Variants in NTRK1 observed in about 807,000 individuals in gnomAD.
The protein encoded by NTRK1 is high affinity nerve growth factor receptor.
In NTRK1, 62 loss-of-function variants were observed where a neutral mutation model predicts 86.8. The ratio of observed to expected loss-of-function variants is 0.71; its 90% CI spans 0.58 to 0.88. The LOEUF is 0.88. Ranked by LOEUF, NTRK1 falls within the 40% of genes least tolerant of loss-of-function variation. The pLI is 0.00. For missense variants in NTRK1, 967 were observed against 1,078.4 expected (o/e 0.90, Z 1.45); for synonymous variants, 469 against 456.6 (o/e 1.03, Z -0.35).
intron 7 of NTRK1, among the ~76,000 whole-genome samples, chr1:156,872,787 T>C (rs1188526191): frequency 4.6e-5 from 7 of 151,676 alleles, no homozygotes; most frequent in African/African-American, 1.7e-4. Context: ...GTCATTCTCC[T>C]GCTTCAGCCT....
chr1:156,869,252 G>A (rs538396820), intron 6 of NTRK1, among the ~76,000 whole-genome samples: 1 of 152,122 alleles, frequency 6.6e-6, no homozygotes, highest in South Asian at 2.1e-4. Context: ...GCTAATTTTT[G>A]TATTTTTAGT....
In NTRK1 at chr1:156,845,707, C is replaced by T. The variant is rs138128025; in HGVS notation, c.50+3514C>T. 380 of 1,613,482 alleles carry T rather than the reference C, an allele frequency of 2.4e-4. No homozygotes were observed. Among genetic ancestry groups the T allele is most frequent in the Non-Finnish European group, 3.1e-4 (369 of 1,179,854 alleles). On this transcript the variant is annotated intron_variant, in intron 2 of 16. Transcript: ENST00000392302. ...GCCTCCAGCGGGGGCAGAACCTGAC[C>T]AGGAGGTGGGTGCTGGCAAGGGCAG...
intron 16 of NTRK1, chr1:156,880,416 G>C: frequency 1.8e-6 from 1 of 556,126 alleles, no homozygotes; most frequent in Non-Finnish European, 3.2e-6. Context: ...TGTACAAGGA[G>C]CCCAGACCCC....
intron 4 of NTRK1, among the ~76,000 whole-genome samples, chr1:156,867,448 C>T (rs573692113): frequency 1.4e-4 from 21 of 152,318 alleles, no homozygotes; most frequent in Admixed American, 5.2e-4. Flanking sequence ...ATCCCTCAGA[C>T]GTCAGCTGTC....
chr1:156,830,620 G>A (rs1161525396), intron 1 of NTRK1, among the ~76,000 whole-genome samples: 2 of 144,082 alleles, frequency 1.4e-5, no homozygotes, highest in Non-Finnish European at 3.0e-5. Flanking sequence ...GAAGTGGCGT[G>A]ATCTCTGCTC....
At chr1:156,840,844 G>T in intron 1 of NTRK1, 1 of 1,557,446 alleles carries the variant, frequency 6.4e-7, no homozygotes, top group East Asian at 2.3e-5. Context: ...GTCTCCCCAT[G>T]GGAGGCCAGC....
intron 1 of NTRK1, chr1:156,840,790 G>T (rs867185775): frequency 2.8e-6 from 3 of 1,067,472 alleles, no homozygotes; most frequent in Non-Finnish European, 4.2e-6. Context: ...TGGGGTGGGG[G>T]TGAACATTCA....
chr1:156,876,427 C>G lies in NTRK1; in HGVS notation c.1660C>G (p.Arg554Gly), dbSNP rs761240200. The stretch of plus-strand genomic sequence containing the variant: ...ACTGAAGGAGGCGTCCGAGAGTGCT[C>G]GGCAGGACTTCCAGCGTGAGGCTGA... ...KALKEASESA[R>G]QDFQREAELL... is the part of the protein sequence containing the mutation. The change falls in exon 14 of 17, where the codon CGG becomes GGG. Residue 554 changes from arginine (R) to glycine (G), a missense_variant. Transcript: ENST00000524377. 1 of 1,613,828 alleles carries G rather than the reference C, an allele frequency of 6.2e-7. No individual in the cohort carries two copies. The highest frequency in any genetic ancestry group is 1.1e-5 in the South Asian group (1 of 91,078).
At chr1:156,874,226 G>C (rs2102907990) in intron 8 of NTRK1, 157 bp from the exon 9 acceptor site, 1 of 1,161,510 alleles carries the variant, frequency 8.6e-7, no homozygotes, top group Non-Finnish European at 1.3e-6. Flanking sequence ...AGGGTCACAT[G>C]CATCTTCTTC....
At chr1:156,833,553 G>T (rs1454764832) in intron 1 of NTRK1, among the ~76,000 whole-genome samples, 7 of 113,692 alleles carry the variant, frequency 6.2e-5, no homozygotes, top group Non-Finnish European at 1.2e-4. Context: ...GCGAGACTCC[G>T]TCTCAAAAAA....
upstream of NTRK1, among the ~76,000 whole-genome samples, chr1:156,859,612 T>C (rs1280746872): frequency 1.3e-5 from 2 of 152,118 alleles, no homozygotes; most frequent in African/African-American, 4.8e-5. This position sits in a 1 kb window ranked among gnomAD's most constrained non-coding sequence, Gnocchi z 6.2. Context: ...GCCTAGTCCC[T>C]TGGTTCTGAC....
At chr1:156,832,691 G>A (rs188007322) in intron 1 of NTRK1, among the ~76,000 whole-genome samples, 2 of 152,184 alleles carry the variant, frequency 1.3e-5, no homozygotes, top group Non-Finnish European at 2.9e-5. Flanking sequence ...GCCTGCCTGC[G>A]AGCTTTGTGC....
Position 156,875,620 on chromosome 1 carries a change from G to T in NTRK1, c.1455G>T (p.Gly485=). Residue 485 remains glycine (G), a synonymous_variant, in exon 12 of 17, where the codon GGG becomes GGT. Transcript: ENST00000524377. The stretch of plus-strand genomic sequence containing the variant: ...CCCCCACCGAGGGCAAAGGCTCTGG[G>T]CTCCAAGGCCACATCATCGAGAACC... ...SLSPTEGKGS[G]LQGHIIENPQ... 1 of 1,613,888 alleles carries T rather than the reference G, an allele frequency of 6.2e-7. No individual in the cohort carries two copies.
At chr1:156,841,264 G>A in intron 1 of NTRK1, 1 of 1,030,274 alleles carries the variant, frequency 9.7e-7, no homozygotes, top group East Asian at 2.4e-5. Flanking sequence ...TTGGGATAGG[G>A]GGGTGGCGCT....
intron 7 of NTRK1, among the ~76,000 whole-genome samples, chr1:156,873,016 A>AGT (rs1186731462): frequency 2.7e-5 from 2 of 74,734 alleles, no homozygotes; most frequent in South Asian, 5.6e-4. Flanking sequence ...TTTTTCAAAA[A>AGT]GAGTGTGTGT....
intron 2 of NTRK1, chr1:156,851,688 T>G: frequency 6.2e-7 from 1 of 1,614,174 alleles, no homozygotes; most frequent in Non-Finnish European, 8.5e-7. Flanking sequence ...TCCACATGCG[T>G]GCAGCCCACA....
chr1:156,843,486 C>A (rs757173008), intron 2 of NTRK1: 6 of 1,613,968 alleles, frequency 3.7e-6, no homozygotes, highest in African/African-American at 1.3e-5. Flanking sequence ...GTTTCTGCAA[C>A]GGGAGGTGAG....
chr1:156,873,907 G>A lies in NTRK1; in HGVS notation c.1125G>A (p.Met375Ile), dbSNP rs770611182. 6.5e-5 allele frequency: 102 copies of A among 1,570,004 alleles called. No homozygotes were observed. Among genetic ancestry groups the A allele is most frequent in the Non-Finnish European group, 8.6e-5 (99 of 1,156,804 alleles). ...NPFGQASASI[M>I]AAFMDNPFEF... ...TCGGCCAGGCCTCCGCCTCCATCAT[G>A]GCTGCCTTCATGGACAACCCTTTCG... The change falls in exon 8 of 17, where the codon ATG becomes ATA. Residue 375 changes from methionine to isoleucine, a missense_variant. Coordinates refer to ENST00000524377, the MANE Select transcript of NTRK1 (RefSeq NM_002529.4).
intron 2 of NTRK1, among the ~76,000 whole-genome samples, chr1:156,850,025 C>G (rs569714980): frequency 4.3e-4 from 65 of 152,042 alleles, no homozygotes; most frequent in African/African-American, 1.5e-3. Flanking sequence ...ACCTCAGTCT[C>G]TTGAGTAGCT....
Sources: allele counts gnomAD v4.1 joint callset (sites outside exome capture counted in the v4.1 genomes callset), GRCh38; gene constraint gnomAD v4.1.1; non-coding constraint Gnocchi (gnomAD v3.1); transcripts MANE v1.5; gene names NCBI Gene and HGNC (gene_info 2026-07-23, HGNC 2026-07-21).